CPNE5: variants seen among roughly 807,000 people sequenced by gnomAD.
CPNE5 encodes copine 5, also known as copine-5.
CPNE5 carries 42 observed loss-of-function variants against 81.1 expected under a neutral mutation model. The ratio of observed to expected loss-of-function variants is 0.52; its 90% confidence interval spans 0.40 to 0.67. The LOEUF (loss-of-function observed/expected upper bound fraction) is 0.67. CPNE5 is among the 30% of genes least tolerant of loss of function. The pLI, the probability that CPNE5 is intolerant of heterozygous loss-of-function variation, is 0.00. For missense variants in CPNE5, 612 were observed against 815.5 expected (o/e 0.75, Z 3.04); for synonymous variants, 313 against 321.5 (o/e 0.97, Z 0.28).
intron 3 of CPNE5, among the ~76,000 whole-genome samples, chr6:36,820,632 A>G (rs995522931): frequency 1.3e-5 from 2 of 152,058 alleles, no homozygotes; most frequent in Non-Finnish European, 2.9e-5. Context: ...TGTGGAGCTG[A>G]CACATGACAA....
intron 12 of CPNE5, among the ~76,000 whole-genome samples, chr6:36,756,621 C>T (rs1365690937): frequency 6.6e-6 from 1 of 152,164 alleles, no homozygotes; most frequent in Non-Finnish European, 1.5e-5. Context: ...TGTTGCAAAG[C>T]GGCCCTATCT....
intron 20 of CPNE5, chr6:36,743,347 T>A: frequency 1.7e-6 from 1 of 575,986 alleles, no homozygotes; most frequent in Non-Finnish European, 2.2e-6. Flanking sequence ...GCAGCAACAC[T>A]AAAGACACTG....
At chr6:36,742,520 T>C (rs889604566) in intron 20 of CPNE5, 34 bp from the exon 21 acceptor site, 1 of 1,593,324 alleles carries the variant, frequency 6.3e-7, no homozygotes, top group African/African-American at 1.3e-5. Flanking sequence ...AGGCAGTGCC[T>C]CCTGTGGGAC....
chr6:36,839,294 G>A lies in CPNE5; in HGVS notation c.84C>T (p.Thr28=), dbSNP rs1773827467. 3 of 1,545,958 alleles carry A rather than the reference G, an allele frequency of 1.9e-6. No homozygotes were observed. Among genetic ancestry groups the A allele is most frequent in the Non-Finnish European group, 2.6e-6 (3 of 1,144,130 alleles). The change falls in exon 1 of 21, where the codon ACC becomes ACT. Residue 28 remains threonine, a synonymous_variant. Transcript: ENST00000244751. This position sits in a 1 kb window ranked among gnomAD's most constrained non-coding sequence, Gnocchi z 7.3. ...GSIPATKVEI[T]VSCRNLLDKD... ...AGCGGGAGGCTCACCTGCAGGACAC[G>A]GTGATCTCCACCTTGGTGGCCGGGA...
rs116515187 is a variant in CPNE5, at chr6:36,812,567, C to T, written c.183+9547G>A. On this transcript the variant is annotated intron_variant, in intron 3 of 20. Transcript: ENST00000244751. ...CTCAGAGAGAGGTTAAGGAAAGTGG[C>T]AAAGTCAGGATTCAAAGGGACATCC... is the stretch of plus-strand genomic sequence containing the variant. 8.4e-3 allele frequency among the ~76,000 whole-genome samples: 1,281 copies of T among 152,280 alleles called. 13 individuals are homozygous for T. The highest frequency in any genetic ancestry group is 0.014 in the Non-Finnish European group (954 of 68,032).
chr6:36,805,195 AGAT>A (rs1462658299), intron 3 of CPNE5, among the ~76,000 whole-genome samples: 1 of 152,158 alleles, frequency 6.6e-6, no homozygotes, highest in Non-Finnish European at 1.5e-5. Context: ...GGACTTGGAG[AGAT>A]GAGATATTAG....
At chr6:36,830,426 G>A (rs1478104147) in intron 1 of CPNE5, among the ~76,000 whole-genome samples, 1 of 152,164 alleles carries the variant, frequency 6.6e-6, no homozygotes, top group African/African-American at 2.4e-5. Context: ...GGCGGGAGCT[G>A]GGAGGAGAGA....
chr6:36,747,419 G>T (rs371885519), intron 15 of CPNE5, among the ~76,000 whole-genome samples: 1 of 152,208 alleles, frequency 6.6e-6, no homozygotes, highest in Non-Finnish European at 1.5e-5. Flanking sequence ...CTCTTCACCT[G>T]TAAAATCAGA....
At position 36,752,993 on chromosome 6, in the gene CPNE5, C is replaced by T. The variant is rs754813752; in HGVS notation, c.971+41G>A. 5 of 1,533,996 alleles carry T rather than the reference C, an allele frequency of 3.3e-6. No homozygotes were observed. In the Admixed American group the frequency reaches 8.4e-5, roughly 26 times the overall value. On this transcript the variant is annotated intron_variant, in intron 14 of 20. Transcript: ENST00000244751. ...CCTGTCGGTGTGTGGGGCCCTTTCC[C>T]TCTCCCCAAGGCCCATGAAATTGGC...
intron 3 of CPNE5, among the ~76,000 whole-genome samples, chr6:36,813,659 T>C (rs2150567362): frequency 6.6e-6 from 1 of 152,358 alleles, no homozygotes; most frequent in South Asian, 2.1e-4. Context: ...TTGTCCACTT[T>C]CTTAATTGTT....
rs967403859 is a variant in CPNE5 at position 36,742,120 on chromosome 6, G to T, written c.*148C>A. ...AAGTGAGGCCAAGAAATTGAGGAGG[G>T]GTCTTCAGAAGCCCCACCCCCTGGC... On this transcript the variant is annotated 3_prime_UTR_variant, in exon 21 of 21. Coordinates refer to ENST00000244751, the MANE Select transcript of CPNE5 (RefSeq NM_020939.2). The T allele has an allele frequency of 1.9e-4, 114 of 599,328 alleles. No homozygotes were observed. Among genetic ancestry groups the T allele is most frequent in the East Asian group, 2.6e-4 (9 of 34,202 alleles). The allele number at this position is 599,328 out of a possible 1,614,324, so 37.1% of individuals were successfully genotyped here.
Position 36,838,819 on chromosome 6 carries a change from G to A in CPNE5, c.95+464C>T, listed in dbSNP as rs139042392. 1,358 of 888,932 alleles carry A rather than the reference G, an allele frequency of 1.5e-3. 10 individuals are homozygous for A. The highest frequency in any genetic ancestry group is 0.014 in the Middle Eastern group (24 of 1,752). The allele number at this position is 888,932 out of a possible 1,614,324, so 55.1% of individuals were successfully genotyped here. On this transcript the variant is annotated intron_variant, in intron 1 of 20. Transcript: ENST00000244751. ...GGGTGGGGGAGACTGGTGAGGGGAG[G>A]ATCAGGATGCTGGGGCAAAGAAGGG...
At chr6:36,778,418 CG>C (rs1177246109) in intron 9 of CPNE5, among the ~76,000 whole-genome samples, 1 of 152,062 alleles carries the variant, frequency 6.6e-6, no homozygotes, top group Non-Finnish European at 1.5e-5. Flanking sequence ...TGGGCAGTAG[CG>C]GGGGGCCAGA....
chr6:36,808,570 C>T (rs904017815), intron 3 of CPNE5, among the ~76,000 whole-genome samples: 11 of 152,134 alleles, frequency 7.2e-5, no homozygotes, highest in African/African-American at 2.7e-4. Context: ...CCTCCCAGGC[C>T]TGCCTTGTGT....
chr6:36,783,540 G>A (rs371696549), intron 8 of CPNE5, among the ~76,000 whole-genome samples: 1 of 149,392 alleles, frequency 6.7e-6, no homozygotes, highest in Non-Finnish European at 1.5e-5. Flanking sequence ...CTCTCTCTCT[G>A]TCACCCACGC....
Position 36,766,729 on chromosome 6 carries a change from A to T in CPNE5, c.738-1353T>A, listed in dbSNP as rs913145386. 6.6e-6 allele frequency among the ~76,000 whole-genome samples: 1 copy of T among 152,168 alleles called. No individual in the cohort carries two copies. The highest frequency in any genetic ancestry group is 2.4e-5 in the African/African-American group (1 of 41,416). On this transcript the variant is annotated intron_variant, in intron 10 of 20. Transcript: ENST00000244751. This position sits in a 1 kb window ranked among gnomAD's most constrained non-coding sequence, Gnocchi z 4.2. ...ATAAGCCACCATTGAAAGGAGAAGTAATAACGGCCTTGCAGAACAGCTGCA... is the reference window on the plus strand; with the variant it reads ...ATAAGCCACCATTGAAAGGAGAAGTTATAACGGCCTTGCAGAACAGCTGCA...
At chr6:36,752,306 C>G (rs892430566) in intron 14 of CPNE5, among the ~76,000 whole-genome samples, 2 of 152,176 alleles carry the variant, frequency 1.3e-5, no homozygotes, top group Admixed American at 6.5e-5. Flanking sequence ...CAGGCTCTAC[C>G]CTTAGAGCCA....
At chr6:36,786,958 G>C (rs1030616000) in intron 8 of CPNE5, among the ~76,000 whole-genome samples, 1 of 152,034 alleles carries the variant, frequency 6.6e-6, no homozygotes, top group Non-Finnish European at 1.5e-5. Flanking sequence ...AAATGCTTTT[G>C]CTTTGTTTTG....
intron 7 of CPNE5, chr6:36,792,531 C>G: frequency 1.8e-6 from 1 of 556,864 alleles, no homozygotes; most frequent in Non-Finnish European, 3.1e-6. Context: ...AGCTCTGAGC[C>G]ACTCTGATGT....
Sources: allele counts gnomAD v4.1 joint callset (sites outside exome capture counted in the v4.1 genomes callset), GRCh38; gene constraint gnomAD v4.1.1; non-coding constraint Gnocchi (gnomAD v3.1); transcripts MANE v1.5; gene names NCBI Gene and HGNC (gene_info 2026-07-23, HGNC 2026-07-21).